The following GSG1L variants were observed in gnomAD, a reference collection of about 807,000 sequenced individuals.
The protein encoded by GSG1L is GSG1 like.
In GSG1L, 24 loss-of-function variants were observed where a neutral mutation model predicts 42.1. The ratio of observed to expected loss-of-function variants is 0.57; its 90% CI spans 0.41 to 0.80. GSG1L has a LOEUF of 0.80. Among genes scored for constraint, GSG1L ranks in the 30% least tolerant of loss-of-function variants. The pLI, the probability that GSG1L is intolerant of heterozygous loss-of-function variation, is 0.00. For missense variants in GSG1L, 445 were observed against 472.2 expected, an observed-to-expected ratio of 0.94 and a Z score of 0.53; for synonymous variants, 215 against 203.5, an observed-to-expected ratio of 1.06 and a Z score of -0.48.
At chr16:27,803,794 TAGATAGATAGATATAG>T (rs1210451024) in intron 6 of GSG1L, among the ~76,000 whole-genome samples, 6 of 68,730 alleles carry the variant, frequency 8.7e-5, no homozygotes, top group African/African-American at 2.5e-4. Flanking sequence ...TATATATATA[TAGATAGATAGATATAG>T]ATATAGATAT....
intron 3 of GSG1L, among the ~76,000 whole-genome samples, chr16:27,880,686 G>GA (rs2083941227): frequency 1.3e-5 from 2 of 152,118 alleles, no homozygotes; most frequent in African/African-American, 4.8e-5. Context: ...TGGAGGTAGA[G>GA]GAGAGTCCCC....
At chr16:27,943,566 CTTTTTTTTTT>C (rs11385465) in intron 2 of GSG1L, among the ~76,000 whole-genome samples, 14 of 67,722 alleles carry the variant, frequency 2.1e-4, no homozygotes, top group East Asian at 5.7e-4. Context: ...TTCTTTGTTT[CTTTTTTTTTT>C]TTTTTTTTTT....
chr16:27,931,818 C>A (rs2084660384), intron 2 of GSG1L, among the ~76,000 whole-genome samples: 1 of 152,150 alleles, frequency 6.6e-6, no homozygotes, highest in African/African-American at 2.4e-5. Context: ...AGAGAACAGA[C>A]AGGCACAGGA....
chr16:27,894,675 A>G (rs1446036187), intron 2 of GSG1L, among the ~76,000 whole-genome samples: 1 of 152,082 alleles, frequency 6.6e-6, no homozygotes, highest in Non-Finnish European at 1.5e-5. Context: ...AGAGGCAGGG[A>G]TGTACCGGCG....
Position 27,888,206 on chromosome 16 carries a change from C to T in GSG1L, c.398-3568G>A, listed in dbSNP as rs560056027. On this transcript the variant is annotated intron_variant, in intron 2 of 6. Transcript: ENST00000447459. ...CAGGGGGTGCGTTCAACCCTGCCCA[C>T]GTGGGCCCCGGGCCAGGACGCTTCC... is the stretch of plus-strand genomic sequence containing the variant. The T allele has an allele frequency of 3.5e-5, 29 of 838,900 alleles. No homozygotes were observed. The African/African-American group carries it at 4.0e-4, about 12-fold the overall frequency. The allele number at this position is 838,900 out of a possible 1,614,324, so 52.0% of individuals were successfully genotyped here.
At chr16:27,843,054 C>T (rs1228278963) in intron 4 of GSG1L, among the ~76,000 whole-genome samples, 2 of 152,202 alleles carry the variant, frequency 1.3e-5, no homozygotes, top group Non-Finnish European at 2.9e-5. Flanking sequence ...TTGTCTCAAT[C>T]CCTGTTGCAA....
At chr16:27,883,307 C>A (rs1427338694) in intron 3 of GSG1L, among the ~76,000 whole-genome samples, 1 of 150,178 alleles carries the variant, frequency 6.7e-6, no homozygotes, top group Non-Finnish European at 1.5e-5. Flanking sequence ...CCTTGGACAG[C>A]TGGGGATGGG....
intron 2 of GSG1L, among the ~76,000 whole-genome samples, chr16:27,920,708 G>A (rs1007205432): frequency 6.6e-6 from 1 of 152,220 alleles, no homozygotes; most frequent in Non-Finnish European, 1.5e-5. Context: ...GGAGTCCTGT[G>A]ATGGGCTGAA....
intron 1 of GSG1L, among the ~76,000 whole-genome samples, chr16:28,015,099 A>C (rs1186616012): frequency 1.3e-5 from 2 of 152,214 alleles, no homozygotes; most frequent in African/African-American, 2.4e-5. Flanking sequence ...CCCAGAGACA[A>C]AAGTCTTAAA....
chr16:27,850,696 G>T (rs1567486085), intron 3 of GSG1L: 1 of 405,462 alleles, frequency 2.5e-6, no homozygotes, highest in Non-Finnish European at 4.9e-6. Context: ...GCCTGGGGAA[G>T]TGGGAAAATG....
At chr16:28,020,276 C>G (rs2085826936) in intron 1 of GSG1L, among the ~76,000 whole-genome samples, 1 of 152,152 alleles carries the variant, frequency 6.6e-6, no homozygotes, top group African/African-American at 2.4e-5. Context: ...GTTCTGGCGG[C>G]TACTCCAAAG....
rs1037297873 is a variant in GSG1L, at chr16:27,789,846, TGGATGGATGGATGATGAA to T, written c.*1506_*1523del. 2 of 150,166 alleles carry T rather than the reference TGGATGGATGGATGATGAA, an allele frequency of 1.3e-5. No homozygotes were observed. The highest frequency in any genetic ancestry group is 1.5e-5 in the Non-Finnish European group (1 of 67,576). 9.3% of individuals were successfully genotyped at this position (150,166 alleles called of 1,614,324 possible). On this transcript the variant is annotated 3_prime_UTR_variant, in exon 7 of 7. Coordinates refer to ENST00000447459, the MANE Select transcript of GSG1L (RefSeq NM_001109763.2). The stretch of plus-strand genomic sequence containing the variant: ...GATGGGTGGATGGATGGATGAAGGA[TGGATGGATGGATGATGAA>T]GGATGGATGGTTGATGGACTATAGA...
intron 1 of GSG1L, among the ~76,000 whole-genome samples, chr16:28,005,490 C>G (rs2085628134): frequency 6.6e-6 from 1 of 152,184 alleles, no homozygotes; most frequent in African/African-American, 2.4e-5. Flanking sequence ...TTTAGGAGGA[C>G]ATACTCCATA....
intron 2 of GSG1L, among the ~76,000 whole-genome samples, chr16:27,939,575 C>T (rs1246571660): frequency 6.6e-6 from 1 of 152,152 alleles, no homozygotes; most frequent in Non-Finnish European, 1.5e-5. Context: ...CAGCTCAGGC[C>T]ACCAGAACAG....
At chr16:27,904,874 C>A (rs1372959003) in intron 2 of GSG1L, among the ~76,000 whole-genome samples, 1 of 152,202 alleles carries the variant, frequency 6.6e-6, no homozygotes, top group Non-Finnish European at 1.5e-5. Context: ...GCTGCAGCCA[C>A]CTGGAGGGGT....
At chr16:28,031,077 G>T (rs2085956873) in intron 1 of GSG1L, among the ~76,000 whole-genome samples, 1 of 148,188 alleles carries the variant, frequency 6.7e-6, no homozygotes, top group South Asian at 2.2e-4. Context: ...GGATTGGTAT[G>T]GGCTGAGTTG....
rs1007579164 is a variant in GSG1L, at chr16:28,026,315, G to T, written c.349+36761C>A. Among the ~76,000 whole-genome samples the T allele has an allele frequency of 2.0e-5, 3 of 152,196 alleles. No homozygotes were observed. In the South Asian group the frequency reaches 6.2e-4, roughly 31 times the overall value. The stretch of plus-strand genomic sequence containing the variant: ...AGAGGAACCAGGAGAGGAGCCCCTT[G>T]AGAAATGTCACAAGTTCTTCTACTC... On this transcript the variant is annotated intron_variant, in intron 1 of 6. Coordinates refer to ENST00000447459, the MANE Select transcript of GSG1L (RefSeq NM_001109763.2).
chr16:27,858,358 C>T (rs1374236465), intron 3 of GSG1L, among the ~76,000 whole-genome samples: 3 of 152,186 alleles, frequency 2.0e-5, no homozygotes, highest in African/African-American at 2.4e-5. Flanking sequence ...TTTCATTACA[C>T]CCTATTTGAA....
chr16:27,824,416 C>T (rs918038102), intron 5 of GSG1L, among the ~76,000 whole-genome samples: 5 of 152,176 alleles, frequency 3.3e-5, no homozygotes, highest in African/African-American at 7.2e-5. Context: ...GGCCATGGAT[C>T]GCCCTCCCTT....
Sources: allele counts gnomAD v4.1 joint callset (sites outside exome capture counted in the v4.1 genomes callset), GRCh38; gene constraint gnomAD v4.1.1; transcripts MANE v1.5; gene names NCBI Gene and HGNC (gene_info 2026-07-23, HGNC 2026-07-21).